The following ADGB variants were observed in gnomAD, a reference collection of about 807,000 sequenced individuals.
ADGB encodes androglobin, also known as calpain-7-like protein.
ADGB carries 172 observed loss-of-function variants against 210.5 expected under a neutral mutation model. The ratio of observed to expected loss-of-function variants is 0.82; its 90% CI spans 0.72 to 0.93. The LOEUF (loss-of-function observed/expected upper bound fraction) is 0.93, where lower values mean the gene tolerates loss of function less well. ADGB is among the 40% of genes least tolerant of loss of function. ADGB has a pLI of 0.00. For synonymous variants in ADGB, 658 were observed against 662.7 expected, an observed-to-expected ratio of 0.99 and a Z score of 0.11; for missense variants, 2,025 against 1,964.8, an observed-to-expected ratio of 1.03 and a Z score of -0.58.
At chr6:146,748,607 G>A (rs923148605) in intron 26 of ADGB, among the ~76,000 whole-genome samples, 1 of 152,010 alleles carries the variant, frequency 6.6e-6, no homozygotes, top group Non-Finnish European at 1.5e-5. Context: ...TTTTTCTTTA[G>A]AGACAATCTC....
intron 29 of ADGB, among the ~76,000 whole-genome samples, chr6:146,769,465 TA>T (rs1480367204): frequency 2.0e-4 from 30 of 152,142 alleles, no homozygotes; most frequent in Non-Finnish European, 3.8e-4. Context: ...TATTTGCCCA[TA>T]TTTTTTGAGA....
At chr6:146,635,081 A>G (rs933123210) in intron 1 of ADGB, among the ~76,000 whole-genome samples, 4 of 152,002 alleles carry the variant, frequency 2.6e-5, no homozygotes, top group Non-Finnish European at 5.9e-5. Context: ...TTTATCAACT[A>G]TATGTTGCTT....
chr6:146,685,704 T>G (rs1776222311), intron 9 of ADGB, 30 bp from the exon 10 acceptor site: 1 of 1,380,398 alleles, frequency 7.2e-7, no homozygotes, highest in Non-Finnish European at 9.6e-7. Context: ...GACTAGAATT[T>G]TCACAACATA....
chr6:146,808,151 C>T (rs1562307291), intron 35 of ADGB, among the ~76,000 whole-genome samples: 1 of 151,996 alleles, frequency 6.6e-6, no homozygotes, highest in Non-Finnish European at 1.5e-5. Flanking sequence ...AGGCACCTGC[C>T]ACCACACCCT....
At chr6:146,652,990 A>G (rs552884480) in intron 3 of ADGB, among the ~76,000 whole-genome samples, 4 of 152,282 alleles carry the variant, frequency 2.6e-5, no homozygotes, top group African/African-American at 9.6e-5. Flanking sequence ...GCGAACAAGC[A>G]AGGCTTCATC....
In ADGB at chr6:146,664,194, T is replaced by A; in HGVS notation, c.613-7T>A. 1 of 1,541,534 alleles carries A rather than the reference T, an allele frequency of 6.5e-7. No individual in the cohort carries two copies. On this transcript the variant is annotated splice_polypyrimidine_tract_variant and splice_region_variant and intron_variant, in intron 5 of 35. Coordinates refer to ENST00000397944, the MANE Select transcript of ADGB (RefSeq NM_024694.4). ...ATGGTATTACATTTCTTTCATCTTA[T>A]TTTTAGGGTTGCTGGAGAAAGATAA...
chr6:146,760,725 G>C (rs1275096994), intron 27 of ADGB, among the ~76,000 whole-genome samples: 1 of 151,768 alleles, frequency 6.6e-6, no homozygotes, highest in Non-Finnish European at 1.5e-5. Flanking sequence ...TCCCGACAAG[G>C]TATAAATGTT....
chr6:146,677,533 T>C (rs987786394), intron 9 of ADGB, among the ~76,000 whole-genome samples: 1 of 152,192 alleles, frequency 6.6e-6, no homozygotes, highest in African/African-American at 2.4e-5. Flanking sequence ...AAAAATCATT[T>C]TCTTATATTG....
At chr6:146,785,848 C>A (rs1004110696) in intron 32 of ADGB, 136 bp downstream of exon 32, 2 of 658,636 alleles carry the variant, frequency 3.0e-6, no homozygotes, top group African/African-American at 1.8e-5. Context: ...TATAAAAAGT[C>A]GCACAATTTC....
At chr6:146,694,536 C>A (rs1562276512) in intron 12 of ADGB, among the ~76,000 whole-genome samples, 1 of 152,106 alleles carries the variant, frequency 6.6e-6, no homozygotes, top group Non-Finnish European at 1.5e-5. Flanking sequence ...TATATACACA[C>A]CTTCAGACCA....
intron 10 of ADGB, among the ~76,000 whole-genome samples, chr6:146,689,620 C>T (rs1452958117): frequency 6.6e-6 from 1 of 151,998 alleles, no homozygotes; most frequent in African/African-American, 2.4e-5. Context: ...CATATGTAGA[C>T]CAAAAATTAT....
intron 1 of ADGB, among the ~76,000 whole-genome samples, chr6:146,617,737 G>A (rs6570771): frequency 0.033 from 5,070 of 151,876 alleles, 280 homozygotes; most frequent in African/African-American, 0.11. Flanking sequence ...GATGCTATGC[G>A]TCTCTTATTG....
chr6:146,699,627 C>T (rs1776460213), intron 12 of ADGB, among the ~76,000 whole-genome samples: 2 of 152,124 alleles, frequency 1.3e-5, no homozygotes, highest in Non-Finnish European at 2.9e-5. Flanking sequence ...GTCATCTAGG[C>T]AGCCCTCAAG....
intron 9 of ADGB, among the ~76,000 whole-genome samples, chr6:146,684,144 C>T (rs1000947013): frequency 6.6e-6 from 1 of 152,056 alleles, no homozygotes; most frequent in Non-Finnish European, 1.5e-5. Context: ...GGAACCCTCA[C>T]TCTTCTTCCC....
At chr6:146,704,556 C>T (rs998914691) in intron 13 of ADGB, among the ~76,000 whole-genome samples, 5 of 151,998 alleles carry the variant, frequency 3.3e-5, no homozygotes, top group African/African-American at 1.2e-4. Flanking sequence ...ACTGAAGAGA[C>T]TCTCCTTTCT....
At chr6:146,620,728 CTG>C (rs1205033152) in intron 1 of ADGB, among the ~76,000 whole-genome samples, 1 of 151,940 alleles carries the variant, frequency 6.6e-6, no homozygotes, top group African/African-American at 2.4e-5. Context: ...TCAGGTATTT[CTG>C]TGATTCTCTA....
intron 17 of ADGB, among the ~76,000 whole-genome samples, chr6:146,722,192 G>A (rs1196377885): frequency 6.6e-6 from 1 of 151,722 alleles, no homozygotes; most frequent in Non-Finnish European, 1.5e-5. Context: ...TACTTTCATG[G>A]TTACCTTGTA....
At chr6:146,761,160 A>G (rs1287589410) in intron 27 of ADGB, among the ~76,000 whole-genome samples, 1 of 152,000 alleles carries the variant, frequency 6.6e-6, no homozygotes, top group Non-Finnish European at 1.5e-5. Flanking sequence ...AGAAATATTT[A>G]CCTAATCTAG....
intron 9 of ADGB, among the ~76,000 whole-genome samples, chr6:146,678,970 C>T (rs1199108463): frequency 6.6e-6 from 1 of 152,146 alleles, no homozygotes; most frequent in Non-Finnish European, 1.5e-5. Flanking sequence ...ATTCTCCTTC[C>T]ATTTTATGCC....
Sources: allele counts gnomAD v4.1 joint callset (sites outside exome capture counted in the v4.1 genomes callset), GRCh38; gene constraint gnomAD v4.1.1; transcripts MANE v1.5; gene names NCBI Gene and HGNC (gene_info 2026-07-23, HGNC 2026-07-21).